Variants in CUL4B observed in about 807,000 individuals in gnomAD.
The protein encoded by CUL4B is cullin-4B.
In CUL4B, 1 loss-of-function variant was observed where a neutral mutation model predicts 69.2. The ratio of observed to expected loss-of-function variants is 0.01; its 90% confidence interval spans 0.01 to 0.07. The LOEUF (loss-of-function observed/expected upper bound fraction) is 0.07, where lower values mean the gene tolerates loss of function less well. Ranked by LOEUF, CUL4B falls within the 10% of genes least tolerant of loss-of-function variation. The probability of loss-of-function intolerance (pLI) is 1.00; values close to 1 mark genes in which losing one functional copy is unlikely to be tolerated. For missense variants in CUL4B, 328 were observed against 638.8 expected (o/e 0.51, Z 5.24); for synonymous variants, 237 against 223.2 (o/e 1.06, Z -0.55).
In CUL4B at chrX:120,532,208, G is replaced by A. The variant is rs1425166799; in HGVS notation, c.2439+214C>T. The A allele has an allele frequency of 1.4e-5, 5 of 356,883 alleles. No homozygotes were observed. The East Asian group carries it at 2.3e-4, about 16-fold the overall frequency. The allele number at this position is 356,883 out of a possible 1,213,427, so 29.4% of individuals were successfully genotyped here. On this transcript the variant is annotated intron_variant, in intron 18 of 19. Coordinates refer to ENST00000371322, the MANE Select transcript of CUL4B (RefSeq NM_001079872.2). ...AAAGATTGAATACTAAATAAACAAAGTAAGATATGAAACTATGTTGAGTAT... is the reference window on the plus strand; with the variant it reads ...AAAGATTGAATACTAAATAAACAAAATAAGATATGAAACTATGTTGAGTAT...
At chrX:120,536,508 A>C (rs1291594789) in intron 15 of CUL4B, among the ~76,000 whole-genome samples, 1 of 112,287 alleles carries the variant, frequency 8.9e-6, no homozygotes, top group Admixed American at 9.5e-5. Context: ...TGGGTGAAAT[A>C]TGTGCAAGAA....
intron 2 of CUL4B, among the ~76,000 whole-genome samples, chrX:120,573,802 C>G (rs1281294744): frequency 8.9e-6 from 1 of 111,986 alleles, no homozygotes; most frequent in African/African-American, 3.2e-5. Context: ...GCTAGATGTT[C>G]TGAGGAATTT....
rs139239689 is a variant in CUL4B at position 120,544,123 on chromosome X, T to C, written c.1164A>G (p.Gln388=). 8.6e-5 allele frequency: 101 copies of C among 1,175,856 alleles called. No individual in the cohort carries two copies. The African/African-American group carries it at 1.6e-3, about 19-fold the overall frequency. The change falls in exon 7 of 20, where the codon CAA becomes CAG. Residue 388 remains glutamine, a synonymous_variant. Transcript: ENST00000371322. Reference sequence around the variant, plus strand: ...CATGATTTTTAAATACCTCTCTTTCTTGCATTAATTTTTGGCCTTCAGCTG... The same window carrying C: ...CATGATTTTTAAATACCTCTCTTTCCTGCATTAATTTTTGGCCTTCAGCTG... ...LYAAEGQKLM[Q]EREVPEYLHH...
rs895728911 is a variant in CUL4B at position 120,538,882 on chromosome X, CATTTT to C, written c.1742-117_1742-113del. 5.2e-5 allele frequency: 26 copies of C among 499,682 alleles called. No homozygotes were observed. The African/African-American group carries it at 5.7e-4, about 11-fold the overall frequency. 41.2% of individuals were successfully genotyped at this position (499,682 alleles called of 1,213,427 possible). A position where few individuals can be genotyped will look rare whatever the true frequency, so the allele number is the denominator to read the frequency against. The stretch of plus-strand genomic sequence containing the variant: ...TTATTCCAAGTTATTTTACTTTACA[CATTTT>C]ATTTAAGTTTGTTAAATGCAAGAAA... On this transcript the variant is annotated intron_variant, in intron 12 of 19. Transcript: ENST00000371322.
At chrX:120,548,547 T>C (rs1221385333) in intron 2 of CUL4B, among the ~76,000 whole-genome samples, 1 of 111,664 alleles carries the variant, frequency 9.0e-6, no homozygotes, top group African/African-American at 3.3e-5. Context: ...GATTTTAAAA[T>C]CTGTGGCTGG....
chrX:120,543,678 G>A, intron 8 of CUL4B, 49 bp downstream of exon 8: 1 of 902,596 alleles, frequency 1.1e-6, no homozygotes, highest in African/African-American at 1.9e-5. Context: ...AGTGCTGCAA[G>A]TGATTTAACG....
chrX:120,566,490 C>T (rs954799047), downstream of CUL4B, among the ~76,000 whole-genome samples: 8 of 103,016 alleles, frequency 7.8e-5, no homozygotes, highest in African/African-American at 1.4e-4. Context: ...GTCCACCTCC[C>T]GGGTTCAAGC....
intron 2 of CUL4B, among the ~76,000 whole-genome samples, chrX:120,572,654 T>G (rs1249737958): frequency 1.8e-5 from 2 of 110,757 alleles, no homozygotes; most frequent in Non-Finnish European, 3.8e-5. Context: ...GTTTTTGCTT[T>G]TTTTAAAAAA....
intron 1 of CUL4B, 104 bp downstream of exon 1, chrX:120,559,979 A>G (rs1205345178): frequency 1.7e-5 from 20 of 1,190,882 alleles, no homozygotes; most frequent in Non-Finnish European, 2.1e-5. Context: ...TGCATAAAAC[A>G]TTAGGCCACC....
chrX:120,554,750 A>G (rs1020618889), intron 2 of CUL4B, among the ~76,000 whole-genome samples: 3 of 112,251 alleles, frequency 2.7e-5, no homozygotes, highest in Non-Finnish European at 5.6e-5. Context: ...GAACTTTTGT[A>G]TAACTACATA....
Position 120,559,735 on chromosome X carries a change from T to A in CUL4B, c.556+348A>T. ...ATCCCAGCAATGCCAAGGCTCGCTA[T>A]GCACCTGAAATAAATAAACCTCTTT... On this transcript the variant is annotated intron_variant, in intron 1 of 19. Coordinates refer to ENST00000371322, the MANE Select transcript of CUL4B (RefSeq NM_001079872.2). 3.0e-6 allele frequency: 3 copies of A among 999,999 alleles called. No homozygotes were observed. The South Asian group carries it at 6.1e-5, about 20-fold the overall frequency. The allele number at this position is 999,999 out of a possible 1,213,427, so 82.4% of individuals were successfully genotyped here.
Position 120,524,951 on chromosome X carries a change from T to G in CUL4B, c.*1810A>C, listed in dbSNP as rs760983037. 1.8e-5 allele frequency: 2 copies of G among 111,811 alleles called. No individual in the cohort carries two copies. Among genetic ancestry groups the G allele is most frequent in the Admixed American group, 1.9e-4 (2 of 10,401 alleles). 9.2% of individuals were successfully genotyped at this position (111,811 alleles called of 1,213,427 possible). On this transcript the variant is annotated 3_prime_UTR_variant, in exon 20 of 20. Transcript: ENST00000371322. ...GAGTAACTTGAATCTTGTGTAATAGTCTACATCTCACAGACCATCAGGGAT... is the reference window on the plus strand; with the variant it reads ...GAGTAACTTGAATCTTGTGTAATAGGCTACATCTCACAGACCATCAGGGAT...
rs757374498 is a variant in CUL4B at position 120,536,921 on chromosome X, T to G, written c.2046+6A>C. ...CTATAACTCAGTTCTAAACAGTAAC[T>G]CTTACCTCTGGTGGTAAATGAACTT... On this transcript the variant is annotated splice_donor_region_variant and intron_variant, in intron 15 of 19. Coordinates refer to ENST00000371322, the MANE Select transcript of CUL4B (RefSeq NM_001079872.2). 138 of 1,138,039 alleles carry G rather than the reference T, an allele frequency of 1.2e-4. 1 individual carries two copies. In the South Asian group the frequency reaches 2.4e-3, roughly 19 times the overall value. The allele number at this position is 1,138,039 out of a possible 1,213,427, so 93.8% of individuals were successfully genotyped here. A position where few individuals can be genotyped will look rare whatever the true frequency, so the allele number is the denominator to read the frequency against.
intron 4 of CUL4B, 124 bp downstream of exon 4, chrX:120,546,423 G>A: frequency 2.2e-5 from 10 of 456,750 alleles, no homozygotes; most frequent in East Asian, 1.3e-4. Flanking sequence ...AAAAAGAAAA[G>A]GAATAGATAT....
At chrX:120,536,134 C>G (rs987998479) in intron 15 of CUL4B, among the ~76,000 whole-genome samples, 191 bp from the exon 16 acceptor site, 3 of 112,724 alleles carry the variant, frequency 2.7e-5, no homozygotes, top group African/African-American at 9.7e-5. Context: ...GGATTTATAC[C>G]TTTTGCTCTC....
upstream of CUL4B, among the ~76,000 whole-genome samples, chrX:120,565,814 C>A (rs1925488783): frequency 1.0e-5 from 1 of 99,614 alleles, no homozygotes; most frequent in Admixed American, 1.1e-4. Flanking sequence ...CAAGCTCCGC[C>A]TCCCGGGTTC....
chrX:120,530,930 AAAGT>A (rs1232213130), intron 18 of CUL4B, among the ~76,000 whole-genome samples: 1 of 112,033 alleles, frequency 8.9e-6, no homozygotes, highest in Non-Finnish European at 1.9e-5. Flanking sequence ...AAATGTTTTA[AAAGT>A]AAGGACATGG....
At chrX:120,554,373 C>A (rs1404787565) in intron 2 of CUL4B, among the ~76,000 whole-genome samples, 1 of 111,916 alleles carries the variant, frequency 8.9e-6, no homozygotes, top group Non-Finnish European at 1.9e-5. Context: ...TGCATTTAAT[C>A]AGTCTTATTT....
At chrX:120,572,504 A>C (rs1925743433) in intron 2 of CUL4B, among the ~76,000 whole-genome samples, 2 of 108,305 alleles carry the variant, frequency 1.8e-5, no homozygotes, top group Non-Finnish European at 3.8e-5. Flanking sequence ...AGAAATGTCC[A>C]GGTCTCAACA....
Sources: gnomAD v4.1 joint callset for allele counts (sites outside exome capture counted in the v4.1 genomes callset) on GRCh38, gnomAD v4.1.1 for gene constraint, MANE v1.5 for transcripts, NCBI Gene and HGNC (gene_info 2026-07-23, HGNC 2026-07-21) for gene names.